ACSM3: variants seen among roughly 807,000 people sequenced by gnomAD.
The protein encoded by ACSM3 is acyl-coenzyme A synthetase ACSM3, mitochondrial.
Under a neutral mutation model 74.1 loss-of-function variants are expected in ACSM3, and 61 were observed. The ratio of observed to expected loss-of-function variants is 0.82; its 90% CI spans 0.67 to 1.02. The LOEUF (loss-of-function observed/expected upper bound fraction) is 1.02, where lower values mean the gene tolerates loss of function less well. Among genes scored for constraint, ACSM3 ranks in the 50% least tolerant of loss-of-function variants. The probability of loss-of-function intolerance (pLI) is 0.00; values close to 1 mark genes in which losing one functional copy is unlikely to be tolerated. For missense variants in ACSM3, 660 were observed against 697.0 expected (o/e 0.95, Z 0.60); for synonymous variants, 213 against 241.5 (o/e 0.88, Z 1.09).
chr16:20,711,551 G>A (rs757755043), intron 1 of ACSM3: 1 of 1,426,854 alleles, frequency 7.0e-7, no homozygotes, highest in South Asian at 1.2e-5. Flanking sequence ...AAGGCCAAGT[G>A]CATTGTGGCC....
chr16:20,756,094 A>G (rs2152437978), intron 3 of ACSM3, among the ~76,000 whole-genome samples: 1 of 152,302 alleles, frequency 6.6e-6, no homozygotes. Flanking sequence ...CAGTAAACAT[A>G]CGTGTGCATG....
upstream of ACSM3, among the ~76,000 whole-genome samples, chr16:20,762,939 G>A (rs879889450): frequency 5.9e-5 from 9 of 152,264 alleles, no homozygotes; most frequent in Non-Finnish European, 1.2e-4. Flanking sequence ...GGCAAGAAAA[G>A]GAAATAAAAC....
chr16:20,795,793 T>G (rs1443127309), intron 12 of ACSM3, among the ~76,000 whole-genome samples: 1 of 152,226 alleles, frequency 6.6e-6, no homozygotes, highest in East Asian at 1.9e-4. Context: ...ACTCCAAATT[T>G]ACTTTTAAAG....
rs540437191 is a variant in ACSM3, at chr16:20,792,769, GAGGT to G, written c.1554+436_1554+439del. Reference sequence around the variant, plus strand: ...GAAGTGGGAACCAGAGGCTGGAACTGAGGTAACCATAAGCAGTCTTGGTAGGTAA... The same window carrying G: ...GAAGTGGGAACCAGAGGCTGGAACTGAACCATAAGCAGTCTTGGTAGGTAA... On this transcript the variant is annotated intron_variant, in intron 12 of 13. Coordinates refer to ENST00000289416, the MANE Select transcript of ACSM3 (RefSeq NM_005622.4). 2.4e-3 allele frequency: 2,266 copies of G among 936,536 alleles called. 5 individuals carry two copies. The highest frequency in any genetic ancestry group is 2.7e-3 in the Non-Finnish European group (2,122 of 785,264). 58.0% of individuals were successfully genotyped at this position (936,536 alleles called of 1,614,324 possible). A position where few individuals can be genotyped will look rare whatever the true frequency, so the allele number is the denominator to read the frequency against.
intron 1 of ACSM3, chr16:20,736,702 C>G: frequency 1.5e-6 from 1 of 647,488 alleles, no homozygotes; most frequent in South Asian, 2.1e-5. Context: ...ACCATAAAGG[C>G]TGAAAGATCC....
intron 1 of ACSM3, chr16:20,676,058 C>T (rs1467507508): frequency 2.0e-5 from 3 of 152,222 alleles, no homozygotes; most frequent in Non-Finnish European, 4.4e-5. Context: ...TCCAATCTAC[C>T]TCCCTTTACC....
chr16:20,720,811 A>G (rs1221696749), intron 1 of ACSM3, among the ~76,000 whole-genome samples: 2 of 152,220 alleles, frequency 1.3e-5, no homozygotes, highest in Non-Finnish European at 2.9e-5. Context: ...CTATTCTTAG[A>G]TATATACATT....
chr16:20,750,700 G>A (rs2079982539), intron 2 of ACSM3, among the ~76,000 whole-genome samples: 1 of 152,000 alleles, frequency 6.6e-6, no homozygotes, highest in African/African-American at 2.4e-5. Flanking sequence ...TAATACACTG[G>A]GAATCCAGAG....
At chr16:20,710,339 T>C (rs2079740281) in intron 1 of ACSM3, among the ~76,000 whole-genome samples, 1 of 152,196 alleles carries the variant, frequency 6.6e-6, no homozygotes, top group Non-Finnish European at 1.5e-5. Context: ...TTGGGTTGTA[T>C]AATCTATCAA....
At chr16:20,685,358 G>C (rs2079528708) in intron 1 of ACSM3, 5 of 1,613,962 alleles carry the variant, frequency 3.1e-6, no homozygotes, top group Non-Finnish European at 4.2e-6. Flanking sequence ...TCATCCCCTT[G>C]GCCATTCACC....
intron 3 of ACSM3, among the ~76,000 whole-genome samples, chr16:20,758,840 C>T (rs1456329996): frequency 1.3e-5 from 2 of 151,940 alleles, no homozygotes; most frequent in Non-Finnish European, 2.9e-5. Context: ...TTTTTGTTCT[C>T]GTTGGTTTCA....
Position 20,770,105 on chromosome 16 carries a change from C to T in ACSM3, c.71C>T (p.Ser24Phe), listed in dbSNP as rs540980063. 2.5e-6 allele frequency: 4 copies of T among 1,614,142 alleles called. No individual in the cohort carries two copies. In the South Asian group the frequency reaches 4.4e-5, roughly 18 times the overall value. ...TTTCAGCGCCTAGCAATTTTTGGTT[C>T]TGTGAGGGCACTGCATAAAGATAAT... ...KCFQRLAIFG[S>F]VRALHKDNRT... is the part of the protein sequence containing the mutation. Residue 24 changes from serine to phenylalanine, a missense_variant, in exon 2 of 14, where the codon TCT becomes TTT. Physicochemically the swap from Ser to Phe is radical, Grantham distance 155. Transcript: ENST00000289416.
Position 20,751,673 on chromosome 16 carries a change from A to G in ACSM3, c.-96+1670A>G, listed in dbSNP as rs550438551. 2.6e-5 allele frequency among the ~76,000 whole-genome samples: 4 copies of G among 152,266 alleles called. No homozygotes were observed. The East Asian group carries it at 7.7e-4, about 29-fold the overall frequency. ...TGCTTAGCTGTACCAGAGCTGGTCT[A>G]TGTGGGAGCCAGGGTCTCTTGGGAA... On this transcript the variant is annotated intron_variant, in intron 2 of 3. Coordinates refer to the ACSM3 transcript ENST00000561584.
At chr16:20,757,262 C>T (rs2080039223) in intron 3 of ACSM3, among the ~76,000 whole-genome samples, 2 of 151,802 alleles carry the variant, frequency 1.3e-5, no homozygotes, top group Admixed American at 6.6e-5. Flanking sequence ...TCTTCCTACC[C>T]ATGAGCATGG....
intron 12 of ACSM3, among the ~76,000 whole-genome samples, chr16:20,793,033 G>A (rs1347932561): frequency 6.6e-6 from 1 of 152,204 alleles, no homozygotes; most frequent in Non-Finnish European, 1.5e-5. Flanking sequence ...TTTTGAAGAT[G>A]ACACTGATGT....
chr16:20,781,698 TA>T lies in ACSM3; in HGVS notation c.940-7del. Reference sequence around the variant, plus strand: ...AGTAAGACCAAGAGTTTGCTTTTTCTAAATTGCAGACACTCTCCAAGTACCC... The same window carrying T: ...AGTAAGACCAAGAGTTTGCTTTTTCTAATTGCAGACACTCTCCAAGTACCC... On this transcript the variant is annotated splice_polypyrimidine_tract_variant and intron_variant, in intron 6 of 13. Transcript: ENST00000289416. 1 of 1,607,648 alleles carries T rather than the reference TA, an allele frequency of 6.2e-7. No homozygotes were observed. The highest frequency in any genetic ancestry group is 1.3e-5 in the African/African-American group (1 of 74,880).
intron 1 of ACSM3, chr16:20,738,702 C>A: frequency 1.7e-6 from 1 of 599,210 alleles, no homozygotes; most frequent in Non-Finnish European, 2.9e-6. Context: ...GCCAGGTTTC[C>A]ACTCATAAGC....
chr16:20,736,378 TAA>T (rs33947944), intron 1 of ACSM3: 7 of 129,208 alleles, frequency 5.4e-5, no homozygotes, highest in Admixed American at 7.7e-5. Flanking sequence ...ACACAAATGT[TAA>T]AAAAAAAAAA....
At chr16:20,676,574 G>C (rs2020291318) in intron 1 of ACSM3, among the ~76,000 whole-genome samples, 1 of 152,140 alleles carries the variant, frequency 6.6e-6, no homozygotes, top group African/African-American at 2.4e-5. Context: ...TATTAAAGTG[G>C]TTACAAGGTG....
Sources: gnomAD v4.1 joint callset for allele counts (sites outside exome capture counted in the v4.1 genomes callset) on GRCh38, gnomAD v4.1.1 for gene constraint, MANE v1.5 for transcripts, NCBI Gene and HGNC (gene_info 2026-07-23, HGNC 2026-07-21) for gene names.